The following CCKBR variants were observed in gnomAD, a reference collection of about 807,000 sequenced individuals.
CCKBR encodes the protein gastrin/cholecystokinin type B receptor.
A neutral mutation model predicts 34.6 loss-of-function variants in CCKBR; 33 were observed. That is an observed-to-expected ratio of 0.95 (90% CI 0.72 to 1.27). The LOEUF is 1.27. CCKBR is among the 50% of genes most tolerant of loss of function. The pLI is 0.00. For missense variants in CCKBR, 652 were observed against 617.4 expected, an observed-to-expected ratio of 1.06 and a Z score of -0.59; for synonymous variants, 269 against 267.5, an observed-to-expected ratio of 1.01 and a Z score of -0.06.
chr11:6,271,613 A>G lies in CCKBR; in HGVS notation c.*70A>G. The stretch of plus-strand genomic sequence containing the variant: ...ACTGACCCTTCCAGACATACGAAAC[A>G]CAAACCACAACTGACACAGGAAACC... On this transcript the variant is annotated 3_prime_UTR_variant, in exon 5 of 5. Transcript: ENST00000334619. 2 of 1,406,186 alleles carry G rather than the reference A, an allele frequency of 1.4e-6. No homozygotes were observed. Among genetic ancestry groups the G allele is most frequent in the Non-Finnish European group, 1.9e-6 (2 of 1,052,360 alleles). 87.1% of individuals were successfully genotyped at this position (1,406,186 alleles called of 1,614,324 possible). A position where few individuals can be genotyped will look rare whatever the true frequency, so the allele number is the denominator to read the frequency against.
rs77873910 is a variant in CCKBR at position 6,270,236 on chromosome 11, A to G, written c.552A>G (p.Leu184=). Reference sequence around the variant, plus strand: ...TAGCCACGTGGCTGCTGTCCGGACTACTCATGGTGCCCTACCCCGTGTACA... The same window carrying G: ...TAGCCACGTGGCTGCTGTCCGGACTGCTCATGGTGCCCTACCCCGTGTACA... ...VIVATWLLSG[L]LMVPYPVYTV... The change falls in exon 3 of 5, where the codon CTA becomes CTG. Residue 184 remains leucine, a synonymous_variant. Transcript: ENST00000334619. The G allele has an allele frequency of 0.016, 25,068 of 1,612,938 alleles. 233 individuals are homozygous for G. Among genetic ancestry groups the G allele is most frequent in the Middle Eastern group, 0.026 (155 of 6,008 alleles).
Position 6,271,388 on chromosome 11 carries a change from T to C in CCKBR, c.1189T>C (p.Phe397Leu). Reference protein sequence around the residue: ...PLVYCFMHRRFRQACLETCAR... With the variant: ...PLVYCFMHRRLRQACLETCAR... ...GGTCTACTGCTTCATGCACCGTCGC[T>C]TTCGCCAGGCCTGCCTGGAAACTTG... The change falls in exon 5 of 5, where the codon TTT (phenylalanine) becomes CTT (leucine). Residue 397 changes from phenylalanine (F) to leucine (L), a missense_variant. Coordinates refer to ENST00000334619, the MANE Select transcript of CCKBR (RefSeq NM_176875.4). 1.9e-6 allele frequency: 3 copies of C among 1,614,102 alleles called. No homozygotes were observed. The highest frequency in any genetic ancestry group is 2.5e-6 in the Non-Finnish European group (3 of 1,180,024).
intron 1 of CCKBR, among the ~76,000 whole-genome samples, chr11:6,263,710 G>T (rs1848169490): frequency 6.6e-6 from 1 of 152,156 alleles, no homozygotes; most frequent in Non-Finnish European, 1.5e-5. Context: ...TGGCTTAAGA[G>T]ATCTGCCCAC....
At position 6,259,924 on chromosome 11, in the gene CCKBR, G is replaced by C. The variant is rs1011853937; in HGVS notation, c.-5G>C. On this transcript the variant is annotated 5_prime_UTR_variant, in exon 1 of 5. Transcript: ENST00000334619. ...CTGAGTAAGGCGGCGGGCTCGGCGGGGGCCATGGAGCTGCTAAAGCTGAAC... is the reference window on the plus strand; with the variant it reads ...CTGAGTAAGGCGGCGGGCTCGGCGGCGGCCATGGAGCTGCTAAAGCTGAAC... 1.4e-6 allele frequency: 2 copies of C among 1,439,480 alleles called. No individual in the cohort carries two copies. The highest frequency in any genetic ancestry group is 1.8e-6 in the Non-Finnish European group (2 of 1,099,164). 89.2% of individuals were successfully genotyped at this position (1,439,480 alleles called of 1,614,324 possible).
Position 6,263,020 on chromosome 11 carries a change from C to A in CCKBR, c.151+2941C>A, listed in dbSNP as rs1318702581. Among the ~76,000 whole-genome samples the A allele has an allele frequency of 3.3e-5, 5 of 152,294 alleles. No homozygotes were observed. The South Asian group carries it at 8.3e-4, about 25-fold the overall frequency. ...CCTCACACATTTGGATGTTACCCAG[C>A]CAGTCAGATGTTACACACAGAGACC... is the stretch of plus-strand genomic sequence containing the variant. On this transcript the variant is annotated intron_variant, in intron 1 of 4. Transcript: ENST00000334619.
rs201461045 is a variant in CCKBR at position 6,271,473 on chromosome 11, C to T, written c.1274C>T (p.Pro425Leu). ...ARPRALPDED[P>L]PTPSIASLSR... ...CCCAGGGCTCTTCCCGATGAGGACC[C>T]TCCCACTCCCTCCATTGCTTCGCTG... Residue 425 changes from proline to leucine, a missense_variant, in exon 5 of 5, where the codon CCT becomes CTT. Physicochemically the swap from Pro to Leu is moderately conservative, Grantham distance 98. Transcript: ENST00000334619. The T allele has an allele frequency of 1.9e-6, 3 of 1,612,690 alleles. No homozygotes were observed. The highest frequency in any genetic ancestry group is 1.1e-5 in the South Asian group (1 of 91,062).
Position 6,270,641 on chromosome 11 carries a change from T to C in CCKBR, c.654-5T>C. ...ACCCGAGTGATCTGTCTGTGTTGCC[T>C]TCAGGTCCGTACTGCTGCTTCTGCT... On this transcript the variant is annotated splice_region_variant and splice_polypyrimidine_tract_variant and intron_variant, in intron 3 of 4. Coordinates refer to ENST00000334619, the MANE Select transcript of CCKBR (RefSeq NM_176875.4). 6.3e-7 allele frequency: 1 copy of C among 1,596,968 alleles called. No homozygotes were observed.
At chr11:6,264,638 T>C (rs1848184153) in intron 1 of CCKBR, 6 of 672,700 alleles carry the variant, frequency 8.9e-6, no homozygotes, top group Admixed American at 2.2e-5. Flanking sequence ...CAGCAGGTGC[T>C]ATCTCCCATC....
chr11:6,261,454 A>AAAAAAAAATATATATAT (rs1447691939), intron 1 of CCKBR, among the ~76,000 whole-genome samples: 1 of 60,894 alleles, frequency 1.6e-5, no homozygotes, highest in Non-Finnish European at 3.0e-5. Flanking sequence ...AAAAAAAAAA[A>AAAAAAAAATATATATAT]ATATATATAC....
intron 1 of CCKBR, among the ~76,000 whole-genome samples, chr11:6,266,835 T>C (rs1848216829): frequency 6.6e-6 from 1 of 152,202 alleles, no homozygotes; most frequent in Non-Finnish European, 1.5e-5. Flanking sequence ...ATAGAGTGTT[T>C]GTCACACAAA....
Position 6,271,677 on chromosome 11 carries a change from A to T in CCKBR, c.*134A>T. 1 of 874,418 alleles carries T rather than the reference A, an allele frequency of 1.1e-6. No individual in the cohort carries two copies. The highest frequency in any genetic ancestry group is 1.7e-6 in the Non-Finnish European group (1 of 588,046). 54.2% of individuals were successfully genotyped at this position (874,418 alleles called of 1,614,324 possible). ...TGGACTAACCCCAACGCACAGGAAA[A>T]GGTAGCTTACCTGACACAAGAGGAA... On this transcript the variant is annotated 3_prime_UTR_variant, in exon 5 of 5. Coordinates refer to ENST00000334619, the MANE Select transcript of CCKBR (RefSeq NM_176875.4).
intron 1 of CCKBR, among the ~76,000 whole-genome samples, chr11:6,267,729 G>A (rs1298543977): frequency 6.6e-6 from 1 of 152,116 alleles, no homozygotes. Flanking sequence ...CAGCACAGTA[G>A]GTTTGTTTAT....
In CCKBR at chr11:6,269,753, T is replaced by C. The variant is rs753090218; in HGVS notation, c.236T>C (p.Leu79Pro). Residue 79 changes from leucine (L) to proline (P), a missense_variant, in exon 2 of 5, where the codon CTG (leucine) becomes CCG (proline). Physicochemically the swap from Leu to Pro is moderately conservative, Grantham distance 98 (BLOSUM62 -3). Coordinates refer to ENST00000334619, the MANE Select transcript of CCKBR (RefSeq NM_176875.4). ...GGAAATATGCTCATCATCGTGGTCC[T>C]GGGACTGAGCCGCCGCCTGAGGACT... is the stretch of plus-strand genomic sequence containing the variant. ...VGGNMLIIVV[L>P]GLSRRLRTVT... The C allele has an allele frequency of 6.2e-7, 1 of 1,614,072 alleles. No individual in the cohort carries two copies.
At chr11:6,268,960 T>A (rs1848247639) in intron 1 of CCKBR, among the ~76,000 whole-genome samples, 1 of 151,942 alleles carries the variant, frequency 6.6e-6, no homozygotes, top group South Asian at 2.1e-4. Context: ...AAAAGAGTAT[T>A]CCGGTCTGAG....
At position 6,261,462 on chromosome 11, in the gene CCKBR, T is replaced by TATATATATATATAC. The variant is rs764173521; in HGVS notation, c.151+1384_151+1385insTATATATATATACA. Reference sequence around the variant, plus strand: ...AAAAAAAAAAAAAAAAAAATATATATACACACACACACACACACACACACA... The same window carrying TATATATATATATAC: ...AAAAAAAAAAAAAAAAAAATATATATATATATATATATACACACACACACACACACACACACACA... On this transcript the variant is annotated intron_variant, in intron 1 of 4. Coordinates refer to ENST00000334619, the MANE Select transcript of CCKBR (RefSeq NM_176875.4). Among the ~76,000 whole-genome samples the TATATATATATATAC allele has an allele frequency of 1.6e-4, 10 of 64,008 alleles. 1 individual carries two copies. The highest frequency in any genetic ancestry group is 6.4e-4 in the East Asian group (1 of 1,564). The allele number at this position is 64,008 out of a possible 152,430, so 42.0% of individuals were successfully genotyped here.
chr11:6,271,137 GGCCGGGATCCGGC>G lies in CCKBR; in HGVS notation c.939_951del (p.Ser316ProfsTer18). ...GAGCTGACGGCGCTGACGGCTCCTG[GGCCGGGATCCGGC>G]TCCCGGCCCACCCAGGCCAAGCTGC... On this transcript the variant is annotated frameshift_variant, in exon 5 of 5. Coordinates refer to ENST00000334619, the MANE Select transcript of CCKBR (RefSeq NM_176875.4). LOFTEE classifies it high-confidence loss of function. 1 of 1,613,970 alleles carries G rather than the reference GGCCGGGATCCGGC, an allele frequency of 6.2e-7. No homozygotes were observed.
chr11:6,268,194 C>T (rs1208810293), intron 1 of CCKBR, among the ~76,000 whole-genome samples: 1 of 152,136 alleles, frequency 6.6e-6, no homozygotes, highest in Non-Finnish European at 1.5e-5. Context: ...TGGTCATTTA[C>T]CAAAACATCG....
chr11:6,262,604 G>A (rs868043427), intron 1 of CCKBR, among the ~76,000 whole-genome samples: 2 of 151,666 alleles, frequency 1.3e-5, no homozygotes, highest in Non-Finnish European at 2.9e-5. Context: ...GTAGGTTAAA[G>A]ATTGGACTGG....
Position 6,271,379 on chromosome 11 carries a change from C to T in CCKBR, c.1180C>T (p.His394Tyr). 1.2e-6 allele frequency: 2 copies of T among 1,614,120 alleles called. No individual in the cohort carries two copies. The highest frequency in any genetic ancestry group is 1.1e-5 in the South Asian group (1 of 91,086). ...CAACCCCCTGGTCTACTGCTTCATGCACCGTCGCTTTCGCCAGGCCTGCCT... is the reference window on the plus strand; with the variant it reads ...CAACCCCCTGGTCTACTGCTTCATGTACCGTCGCTTTCGCCAGGCCTGCCT... ...CVNPLVYCFMHRRFRQACLET... is the reference protein window; with the variant it reads ...CVNPLVYCFMYRRFRQACLET... The change falls in exon 5 of 5, where the codon CAC becomes TAC. Residue 394 changes from histidine to tyrosine, a missense_variant. Transcript: ENST00000334619.
Sources: allele counts gnomAD v4.1 joint callset (sites outside exome capture counted in the v4.1 genomes callset), GRCh38; gene constraint gnomAD v4.1.1; transcripts MANE v1.5; gene names NCBI Gene and HGNC (gene_info 2026-07-23, HGNC 2026-07-21).